Variants in OTUD6B observed in about 807,000 individuals in gnomAD.
The protein encoded by OTUD6B is OTU deubiquitinase 6B.
In OTUD6B, 41 loss-of-function variants were observed where a neutral mutation model predicts 36.9. The ratio of observed to expected loss-of-function variants is 1.11; its 90% CI spans 0.87 to 1.44. The LOEUF (loss-of-function observed/expected upper bound fraction) is 1.44, where lower values mean the gene tolerates loss of function less well. Among genes scored for constraint, OTUD6B ranks in the 40% most tolerant of loss-of-function variants. The probability of loss-of-function intolerance (pLI) is 0.00; values close to 1 mark genes in which losing one functional copy is unlikely to be tolerated. For synonymous variants in OTUD6B, 114 were observed against 114.2 expected, an observed-to-expected ratio of 1.00 and a Z score of 0.01; for missense variants, 356 against 344.8, an observed-to-expected ratio of 1.03 and a Z score of -0.26.
At chr8:91,075,619 T>C (rs1812790197) in intron 3 of OTUD6B, among the ~76,000 whole-genome samples, 1 of 152,086 alleles carries the variant, frequency 6.6e-6, no homozygotes, top group African/African-American at 2.4e-5. Context: ...AACCATTTAG[T>C]ATCTTTTATA....
At chr8:91,081,686 A>G (rs949014974) in intron 5 of OTUD6B, among the ~76,000 whole-genome samples, 1 of 152,206 alleles carries the variant, frequency 6.6e-6, no homozygotes, top group Non-Finnish European at 1.5e-5. Flanking sequence ...TTAGTAATAT[A>G]TAATGATGAT....
At chr8:91,073,709 C>A in intron 2 of OTUD6B, 122 bp from the exon 3 acceptor site, 12 of 1,249,410 alleles carry the variant, frequency 9.6e-6, no homozygotes, top group South Asian at 6.6e-5. Context: ...GAGACAAAAC[C>A]ATATTATCTA....
chr8:91,075,047 C>T (rs1006318881), intron 3 of OTUD6B, among the ~76,000 whole-genome samples: 2 of 151,974 alleles, frequency 1.3e-5, no homozygotes, highest in African/African-American at 4.8e-5. Flanking sequence ...TAGTATGCCT[C>T]TTAAAAATGT....
chr8:91,073,430 G>T (rs973125550), intron 2 of OTUD6B, among the ~76,000 whole-genome samples: 6 of 152,156 alleles, frequency 3.9e-5, no homozygotes, highest in African/African-American at 1.4e-4. Flanking sequence ...GGCTAATTAA[G>T]ATGGAAAAAG....
chr8:91,078,640 C>T lies in OTUD6B; in HGVS notation c.600C>T (p.Asn200=). 6.3e-7 allele frequency: 1 copy of T among 1,587,334 alleles called. No individual in the cohort carries two copies. Among genetic ancestry groups the T allele is most frequent in the Non-Finnish European group, 8.6e-7 (1 of 1,165,360 alleles). ...AAGACTTTCTGCCATTTTTAACAAA[C>T]CCTAATACAGGAGATATGTATACTC... The part of the protein sequence containing the change: ...HVEDFLPFLT[N]PNTGDMYTPE... The change falls in exon 4 of 7, where the codon AAC becomes AAT. Residue 200 remains asparagine (N), a synonymous_variant. Transcript: ENST00000404789.
chr8:91,084,909 T>C lies in OTUD6B; in HGVS notation c.*41T>C, dbSNP rs1463305017. 4.1e-6 allele frequency: 4 copies of C among 978,766 alleles called. No homozygotes were observed. The highest frequency in any genetic ancestry group is 5.6e-5 in the East Asian group (2 of 35,564). 60.6% of individuals were successfully genotyped at this position (978,766 alleles called of 1,614,324 possible). ...ACAATTATGTTTTAATACAGTGTGC[T>C]GAACTGAGTATTTCTACCAAGTGTT... is the stretch of plus-strand genomic sequence containing the variant. On this transcript the variant is annotated 3_prime_UTR_variant, in exon 7 of 7. Transcript: ENST00000404789.
At chr8:91,072,853 C>T (rs2130426477) in intron 2 of OTUD6B, among the ~76,000 whole-genome samples, 1 of 152,324 alleles carries the variant, frequency 6.6e-6, no homozygotes, top group South Asian at 2.1e-4. Context: ...TGTTAAAACA[C>T]AAACTCCCAT....
At chr8:91,080,112 T>G (rs1177690249) in intron 4 of OTUD6B, among the ~76,000 whole-genome samples, 1 of 152,128 alleles carries the variant, frequency 6.6e-6, no homozygotes, top group East Asian at 1.9e-4. Context: ...GCCTTTTCCT[T>G]GGTTAGAACT....
chr8:91,075,036 A>G (rs1206899683), intron 3 of OTUD6B, among the ~76,000 whole-genome samples: 1 of 152,084 alleles, frequency 6.6e-6, no homozygotes, highest in Non-Finnish European at 1.5e-5. Flanking sequence ...TAAGTAGTGT[A>G]TAGTATGCCT....
At position 91,071,269 on chromosome 8, in the gene OTUD6B, C is replaced by G. The variant is rs762968335; in HGVS notation, c.214C>G (p.Leu72Val). The change falls in exon 2 of 7, where the codon CTG (leucine) becomes GTG (valine). Residue 72 changes from leucine (L) to valine (V), a missense_variant. Physicochemically the swap from Leu to Val is conservative, Grantham distance 32. Coordinates refer to ENST00000404789, the MANE Select transcript of OTUD6B (RefSeq NM_016023.5). ...KHREELEQLK[L>V]TTKENKIDSV... ...TAGAGAGGAACTGGAGCAATTGAAG[C>G]TGACTACTAAGGAGAATAAGGTATG... 1.2e-6 allele frequency: 2 copies of G among 1,613,080 alleles called. No homozygotes were observed. The highest frequency in any genetic ancestry group is 1.3e-5 in the African/African-American group (1 of 74,790).
chr8:91,073,938 TA>T, intron 3 of OTUD6B, 27 bp downstream of exon 3: 1 of 1,471,256 alleles, frequency 6.8e-7, no homozygotes, highest in Non-Finnish European at 9.4e-7. Flanking sequence ...ACCAAGTATA[TA>T]AGTTAGTGCT....
intron 4 of OTUD6B, 31 bp from the exon 5 acceptor site, chr8:91,080,638 T>G (rs1812885521): frequency 6.4e-7 from 1 of 1,562,048 alleles, no homozygotes; most frequent in South Asian, 1.2e-5. Context: ...CAAAAATTAT[T>G]AAGTGCTGTA....
intron 2 of OTUD6B, 38 bp downstream of exon 2, chr8:91,071,327 T>A (rs749889917): frequency 3.3e-6 from 5 of 1,515,666 alleles, no homozygotes; most frequent in Non-Finnish European, 4.5e-6. Flanking sequence ...CTACACCATT[T>A]GAAAACAGCT....
intron 5 of OTUD6B, among the ~76,000 whole-genome samples, chr8:91,080,940 T>C (rs1370104443): frequency 6.6e-6 from 1 of 152,138 alleles, no homozygotes; most frequent in East Asian, 1.9e-4. Context: ...TGAAACACTA[T>C]TACATTTTAA....
intron 5 of OTUD6B, among the ~76,000 whole-genome samples, chr8:91,081,491 C>T (rs1812906614): frequency 6.6e-6 from 1 of 151,614 alleles, no homozygotes; most frequent in South Asian, 2.1e-4. Context: ...TCTTCCACCC[C>T]TCTGTTTTGT....
At chr8:91,081,803 T>A (rs1812912969) in intron 5 of OTUD6B, among the ~76,000 whole-genome samples, 1 of 152,178 alleles carries the variant, frequency 6.6e-6, no homozygotes. Context: ...AGTACTGCTG[T>A]GTATGTGCAT....
rs772900193 is a variant in OTUD6B, at chr8:91,073,783, GTAATT to G, written c.235-43_235-39del. Reference sequence around the variant, plus strand: ...GGATTAGATATATTTATGATTTTCAGTAATTTAATAAGTACATTGACTTGTTAATG... The same window carrying G: ...GGATTAGATATATTTATGATTTTCAGTAATAAGTACATTGACTTGTTAATG... On this transcript the variant is annotated intron_variant, in intron 2 of 6. Coordinates refer to ENST00000404789, the MANE Select transcript of OTUD6B (RefSeq NM_016023.5). 2.3e-5 allele frequency: 34 copies of G among 1,486,994 alleles called. 1 individual carries two copies. In the South Asian group the frequency reaches 3.9e-4, roughly 17 times the overall value. 92.1% of individuals were successfully genotyped at this position (1,486,994 alleles called of 1,614,324 possible). A position where few individuals can be genotyped will look rare whatever the true frequency, so the allele number is the denominator to read the frequency against.
At chr8:91,071,091 C>G (rs1812686299) in intron 1 of OTUD6B, 47 bp from the exon 2 acceptor site, 1 of 1,601,328 alleles carries the variant, frequency 6.2e-7, no homozygotes, top group East Asian at 2.2e-5. Context: ...TTTCTCATCT[C>G]CTTTTACTCC....
intron 1 of OTUD6B, 79 bp downstream of exon 1, chr8:91,070,545 T>A: frequency 7.3e-7 from 1 of 1,364,704 alleles, no homozygotes; most frequent in Non-Finnish European, 1.0e-6. Flanking sequence ...CTGGGGAATC[T>A]CAAGGCGTGA....
Sources: allele counts gnomAD v4.1 joint callset (sites outside exome capture counted in the v4.1 genomes callset), GRCh38; gene constraint gnomAD v4.1.1; transcripts MANE v1.5; gene names NCBI Gene and HGNC (gene_info 2026-07-23, HGNC 2026-07-21).